ANK2: variants seen among roughly 807,000 people sequenced by gnomAD.
ANK2 encodes the protein ankyrin-2.
A neutral mutation model predicts 360.5 loss-of-function variants in ANK2; 83 were observed. That is an observed-to-expected ratio of 0.23 (90% CI 0.19 to 0.28). The LOEUF is 0.28. Among genes scored for constraint, ANK2 ranks in the 10% least tolerant of loss-of-function variants. The pLI, the probability that ANK2 is intolerant of heterozygous loss-of-function variation, is 1.00. For missense variants in ANK2, 4,201 were observed against 4,795.7 expected, an observed-to-expected ratio of 0.88 and a Z score of 3.66; for synonymous variants, 1,740 against 1,759.5, an observed-to-expected ratio of 0.99 and a Z score of 0.28.
chr4:112,781,156 C>T, the ANK2 span, among the ~76,000 whole-genome samples: 17 of 152,204 alleles, frequency 1.1e-4, no homozygotes, highest in South Asian at 2.1e-4. Flanking sequence ...CACATCACCA[C>T]GCCTGGATAA....
intron 1 of ANK2, chr4:113,117,565 A>G (rs924082143): frequency 5.9e-6 from 2 of 336,302 alleles, no homozygotes; most frequent in Non-Finnish European, 1.2e-5. Flanking sequence ...TCATGCCTAC[A>G]TTTGCTGCAT....
chr4:113,292,747 CG>C (rs536142712), intron 21 of ANK2, among the ~76,000 whole-genome samples: 1 of 152,096 alleles, frequency 6.6e-6, no homozygotes, highest in Non-Finnish European at 1.5e-5. Flanking sequence ...TCTCTGGAGA[CG>C]GGGGCCCTCC....
intron 1 of ANK2, among the ~76,000 whole-genome samples, chr4:112,896,750 A>G (rs541284859): frequency 3.3e-5 from 5 of 152,214 alleles, no homozygotes; most frequent in African/African-American, 7.2e-5. Context: ...TTTAGCTGTC[A>G]TTTCTGCTGT....
At chr4:112,723,517 C>T in the ANK2 span, among the ~76,000 whole-genome samples, 3 of 152,176 alleles carry the variant, frequency 2.0e-5, no homozygotes, top group East Asian at 1.9e-4. Flanking sequence ...GTGACCACCA[C>T]CATGCCCGGC....
At chr4:112,740,996 T>A in the ANK2 span, among the ~76,000 whole-genome samples, 3,998 of 141,084 alleles carry the variant, frequency 0.028, 183 homozygotes, top group African/African-American at 0.094. Flanking sequence ...CTCAAAAAAA[T>A]TTTTTTTTTT....
chr4:112,954,645 C>A (rs1016575858), intron 2 of ANK2, among the ~76,000 whole-genome samples: 7 of 152,142 alleles, frequency 4.6e-5, no homozygotes, highest in African/African-American at 1.7e-4. Flanking sequence ...CATTAACCAA[C>A]ACTTATTTCT....
At chr4:112,740,464 G>A in the ANK2 span, among the ~76,000 whole-genome samples, 6 of 152,056 alleles carry the variant, frequency 3.9e-5, no homozygotes, top group Admixed American at 6.6e-5. Context: ...CAGCACTTTG[G>A]GAGGCCGAGG....
intron 1 of ANK2, 34 bp from the exon 2 acceptor site, chr4:113,174,382 A>C: frequency 1.3e-6 from 2 of 1,520,472 alleles, no homozygotes. Flanking sequence ...TATTTCATCA[A>C]TAGTTCATTA....
intron 45 of ANK2, among the ~76,000 whole-genome samples, chr4:113,380,276 T>C (rs56888815): frequency 0.036 from 5,459 of 151,890 alleles, 324 homozygotes; most frequent in African/African-American, 0.12. Flanking sequence ...GAAGAATATA[T>C]AGTGAAAAGA....
intron 2 of ANK2, among the ~76,000 whole-genome samples, chr4:113,191,652 T>C (rs189914135): frequency 6.6e-6 from 1 of 152,352 alleles, no homozygotes; most frequent in East Asian, 1.9e-4. Flanking sequence ...AATATATACA[T>C]GTATTACTGT....
intron 8 of ANK2, among the ~76,000 whole-genome samples, chr4:113,241,405 A>T (rs905664787): frequency 6.6e-6 from 1 of 152,116 alleles, no homozygotes; most frequent in African/African-American, 2.4e-5. Flanking sequence ...GGGCATGATC[A>T]TGGCTCACCG....
At chr4:112,783,997 A>T in the ANK2 span, among the ~76,000 whole-genome samples, 1 of 152,128 alleles carries the variant, frequency 6.6e-6, no homozygotes, top group African/African-American at 2.4e-5. Flanking sequence ...ATACTCTGGC[A>T]TACTATACAA....
At chr4:113,123,808 C>T (rs1562236231) in intron 1 of ANK2, among the ~76,000 whole-genome samples, 1 of 152,138 alleles carries the variant, frequency 6.6e-6, no homozygotes, top group Non-Finnish European at 1.5e-5. Flanking sequence ...CCCCACCAAC[C>T]CCTACTCTAC....
chr4:112,743,299 C>T, the ANK2 span, among the ~76,000 whole-genome samples: 1 of 152,032 alleles, frequency 6.6e-6, no homozygotes, highest in Admixed American at 6.6e-5. Context: ...TTATTATTTA[C>T]ATATTTTCTT....
At chr4:113,055,316 C>T (rs2069118944) in intron 1 of ANK2, among the ~76,000 whole-genome samples, 1 of 152,082 alleles carries the variant, frequency 6.6e-6, no homozygotes, top group South Asian at 2.1e-4. Context: ...GACACCCAAC[C>T]CCCGAGGGTG....
chr4:113,002,658 G>C (rs573153367), intron 2 of ANK2, among the ~76,000 whole-genome samples: 1 of 152,040 alleles, frequency 6.6e-6, no homozygotes, highest in Non-Finnish European at 1.5e-5. Flanking sequence ...ATTGAAATAG[G>C]CTTCTTTTTT....
chr4:113,373,529 A>T (rs2154075695), intron 45 of ANK2, 80 bp downstream of exon 45: 1 of 1,463,630 alleles, frequency 6.8e-7, no homozygotes, highest in South Asian at 1.1e-5. Context: ...GAGATTGTTT[A>T]TTCATATTTT....
the ANK2 span, among the ~76,000 whole-genome samples, chr4:112,761,116 T>C: frequency 6.6e-6 from 1 of 152,092 alleles, no homozygotes; most frequent in Non-Finnish European, 1.5e-5. Context: ...CATGCGTTCC[T>C]TCTTTATAAA....
At chr4:113,244,884 T>C (rs2042016746) in intron 9 of ANK2, among the ~76,000 whole-genome samples, 4 of 152,272 alleles carry the variant, frequency 2.6e-5, no homozygotes, top group South Asian at 4.1e-4. Flanking sequence ...TCTGTTCTTG[T>C]GTTAGTTTGC....
Sources: gnomAD v4.1 joint callset for allele counts (sites outside exome capture counted in the v4.1 genomes callset) on GRCh38, gnomAD v4.1.1 for gene constraint, MANE v1.5 for transcripts, NCBI Gene and HGNC (gene_info 2026-07-23, HGNC 2026-07-21) for gene names.